Variants in EPB41L2 observed in about 807,000 individuals in gnomAD.
EPB41L2 encodes the protein erythrocyte membrane protein band 4.1 like 2, also known as band 4.1-like protein 2.
In EPB41L2, 43 loss-of-function variants were observed where a neutral mutation model predicts 113.0. The observed-to-expected ratio is 0.38, with a 90% CI of 0.30 to 0.49. The LOEUF (loss-of-function observed/expected upper bound fraction) is 0.49, where lower values mean the gene tolerates loss of function less well. EPB41L2 is among the 20% of genes least tolerant of loss of function. EPB41L2 has a pLI of 0.95. For missense variants in EPB41L2, 1,147 were observed against 1,223.4 expected (o/e 0.94, Z 0.93); for synonymous variants, 442 against 436.7 (o/e 1.01, Z -0.15).
At chr6:130,922,783 CAAGTAAGTT>C (rs1803297011) in intron 4 of EPB41L2, among the ~76,000 whole-genome samples, 1 of 150,364 alleles carries the variant, frequency 6.7e-6, no homozygotes, top group Admixed American at 6.8e-5. Context: ...TTTTTAAAAA[CAAGTAAGTT>C]ACAAAGAAGT....
At position 130,878,116 on chromosome 6, in the gene EPB41L2, T is replaced by C. The variant is rs754174055; in HGVS notation, c.2031A>G (p.Leu677=). 3.7e-6 allele frequency: 6 copies of C among 1,610,040 alleles called. No homozygotes were observed. The highest frequency in any genetic ancestry group is 4.2e-6 in the Non-Finnish European group (5 of 1,178,656). ...WEKRRITPLS[L]QTQGSSHETL... Reference sequence around the variant, plus strand: ...GCTAATGACATACCCCTTGTGTCTGTAGGGACAGAGGTGTGATACGTCGTT... The same window carrying C: ...GCTAATGACATACCCCTTGTGTCTGCAGGGACAGAGGTGTGATACGTCGTT... Residue 677 remains leucine (L), a synonymous_variant, in exon 14 of 20, where the codon CTA becomes CTG. Transcript: ENST00000337057.
rs1436160121 is a variant in EPB41L2, at chr6:130,960,558, G to A, written c.-14-4059C>T. Among the ~76,000 whole-genome samples the A allele has an allele frequency of 2.6e-5, 4 of 152,156 alleles. No individual in the cohort carries two copies. The East Asian group carries it at 7.7e-4, about 29-fold the overall frequency. On this transcript the variant is annotated intron_variant, in intron 1 of 19. Coordinates refer to ENST00000337057, the MANE Select transcript of EPB41L2 (RefSeq NM_001431.4). ...CATAAGGGTTAAGAGCCTCAAAAGT[G>A]ATGATCAGTGTCACCCATCCAAATG...
chr6:131,035,348 TCA>T (rs1793081426), intron 1 of EPB41L2, among the ~76,000 whole-genome samples: 1 of 152,180 alleles, frequency 6.6e-6, no homozygotes, highest in Non-Finnish European at 1.5e-5. Flanking sequence ...GCTGTCCATA[TCA>T]TTCCAAAGAA....
At chr6:130,878,383 G>A (rs1788232177) in intron 13 of EPB41L2, 133 bp from the exon 14 acceptor site, 4 of 1,028,984 alleles carry the variant, frequency 3.9e-6, no homozygotes, top group Non-Finnish European at 5.5e-6. Flanking sequence ...CAAGAAAAAT[G>A]CCAAGTCTCT....
At chr6:130,943,503 C>T (rs1811612832) in intron 3 of EPB41L2, among the ~76,000 whole-genome samples, 1 of 152,202 alleles carries the variant, frequency 6.6e-6, no homozygotes, top group African/African-American at 2.4e-5. Context: ...AGTGGTAAAT[C>T]ACCAAGGAGT....
intron 2 of EPB41L2, among the ~76,000 whole-genome samples, 194 bp downstream of exon 2, chr6:130,955,800 T>C (rs747478216): frequency 6.6e-6 from 1 of 152,278 alleles, no homozygotes. Context: ...AATTGGTATA[T>C]ATAGGGGACT....
chr6:130,946,660 T>C (rs1812926591), intron 3 of EPB41L2, among the ~76,000 whole-genome samples: 1 of 151,966 alleles, frequency 6.6e-6, no homozygotes, highest in Non-Finnish European at 1.5e-5. Flanking sequence ...TATGAACAGA[T>C]ACATGGGGAT....
intron 1 of EPB41L2, among the ~76,000 whole-genome samples, chr6:131,054,180 G>A (rs950189387): frequency 1.2e-4 from 19 of 152,160 alleles, no homozygotes; most frequent in Admixed American, 8.5e-4. Flanking sequence ...TTCCATGGTC[G>A]CACACACCTT....
chr6:130,939,615 C>T (rs1260759901), intron 3 of EPB41L2, among the ~76,000 whole-genome samples: 1 of 152,042 alleles, frequency 6.6e-6, no homozygotes, highest in African/African-American at 2.4e-5. Context: ...GGACCCACCC[C>T]CCAATTAAAC....
At chr6:130,886,994 G>T (rs904601612) in intron 11 of EPB41L2, among the ~76,000 whole-genome samples, 3 of 151,954 alleles carry the variant, frequency 2.0e-5, no homozygotes, top group Admixed American at 2.0e-4. Flanking sequence ...CCCTTGGAAA[G>T]TATATGGCTA....
chr6:130,956,197 C>T lies in EPB41L2; in HGVS notation c.289G>A (p.Gly97Arg), dbSNP rs779926581. 5.6e-6 allele frequency: 9 copies of T among 1,614,150 alleles called. No homozygotes were observed. In the Middle Eastern group the frequency reaches 4.9e-4, roughly 89 times the overall value. Residue 97 changes from glycine (G) to arginine (R), a missense_variant, in exon 2 of 20, where the codon GGA becomes AGA. Physicochemically the swap from Gly to Arg is moderately radical, Grantham distance 125 (BLOSUM62 -2). Transcript: ENST00000337057. ...GCTTGGGTAGGCTCTTTTTTATCTC[C>T]TCCATCTTTGGCCACTACTAAGGTA... Reference protein sequence around the residue: ...SYTLVVAKDGGDKKEPTQAVV... With the variant: ...SYTLVVAKDGRDKKEPTQAVV...
intron 7 of EPB41L2, 40 bp downstream of exon 7, chr6:130,900,922 T>A: frequency 1.3e-6 from 2 of 1,596,800 alleles, no homozygotes; most frequent in Non-Finnish European, 1.7e-6. Context: ...GCTATTTAAA[T>A]CTCCCATGGC....
At chr6:130,920,663 T>C (rs762074139) in intron 4 of EPB41L2, among the ~76,000 whole-genome samples, 1 of 152,018 alleles carries the variant, frequency 6.6e-6, no homozygotes, top group Non-Finnish European at 1.5e-5. Context: ...TATATGCCAC[T>C]ATGCCTGGCT....
Position 130,839,800 on chromosome 6 carries a change from GA to G in EPB41L2, c.*803del, listed in dbSNP as rs935241101. 7 of 152,242 alleles carry G rather than the reference GA, an allele frequency of 4.6e-5. No homozygotes were observed. Among genetic ancestry groups the G allele is most frequent in the Non-Finnish European group, 8.8e-5 (6 of 68,038 alleles). The allele number at this position is 152,242 out of a possible 1,614,324, so 9.4% of individuals were successfully genotyped here. ...GCCTGAATCTTTTAGTAGAAGGGAA[GA>G]AAGTTTTCTCTTTCTCTTCCCTCCT... On this transcript the variant is annotated 3_prime_UTR_variant, in exon 20 of 20. Coordinates refer to ENST00000337057, the MANE Select transcript of EPB41L2 (RefSeq NM_001431.4).
chr6:130,906,495 A>G (rs1012940325), intron 5 of EPB41L2, among the ~76,000 whole-genome samples: 36 of 152,146 alleles, frequency 2.4e-4, no homozygotes, highest in Non-Finnish European at 2.9e-5. Context: ...TTCAAGTTAA[A>G]CTTTTAATTT....
At chr6:131,030,238 T>C (rs1791861702) in intron 1 of EPB41L2, among the ~76,000 whole-genome samples, 1 of 152,194 alleles carries the variant, frequency 6.6e-6, no homozygotes, top group South Asian at 2.1e-4. Flanking sequence ...TAGCACGACA[T>C]GGCCAGGCTG....
intron 1 of EPB41L2, among the ~76,000 whole-genome samples, chr6:131,045,372 A>ATATTTAAT (rs1554351918): frequency 6.6e-6 from 1 of 151,978 alleles, no homozygotes; most frequent in Non-Finnish European, 1.5e-5. Context: ...TTCATTTAAA[A>ATATTTAAT]ATGATGAGAT....
chr6:130,904,562 G>C (rs1261738919), intron 5 of EPB41L2, 22 bp from the exon 6 acceptor site: 1 of 1,472,012 alleles, frequency 6.8e-7, no homozygotes, highest in South Asian at 1.2e-5. Context: ...AAATATCACA[G>C]TTATGCACCC....
intron 10 of EPB41L2, among the ~76,000 whole-genome samples, chr6:130,891,469 G>A (rs1223813499): frequency 1.4e-5 from 2 of 142,170 alleles, no homozygotes; most frequent in Non-Finnish European, 1.5e-5. Flanking sequence ...AATTTTTTGA[G>A]AAGGAGTCTC....
Sources: allele counts gnomAD v4.1 joint callset (sites outside exome capture counted in the v4.1 genomes callset), GRCh38; gene constraint gnomAD v4.1.1; transcripts MANE v1.5; gene names NCBI Gene and HGNC (gene_info 2026-07-23, HGNC 2026-07-21).